UTS2B: variants seen among roughly 807,000 people sequenced by gnomAD.
UTS2B encodes urotensin-2B.
A neutral mutation model predicts 19.2 loss-of-function variants in UTS2B; 21 were observed. That is an observed-to-expected ratio of 1.09 (90% confidence interval 0.78 to 1.58). The LOEUF (loss-of-function observed/expected upper bound fraction) is 1.58, where lower values mean the gene tolerates loss of function less well. UTS2B is among the 40% of genes most tolerant of loss of function. UTS2B has a pLI of 0.00. For missense variants in UTS2B, 138 were observed against 130.3 expected (o/e 1.06, Z -0.29); for synonymous variants, 57 against 50.2 (o/e 1.14, Z -0.58).
chr3:191,275,701 CAA>C (rs113295650), intron 7 of UTS2B, among the ~76,000 whole-genome samples: 8 of 100,918 alleles, frequency 7.9e-5, no homozygotes, highest in Non-Finnish European at 1.6e-4. Flanking sequence ...AAACAAACAA[CAA>C]AAAAAAAACC....
chr3:191,276,526 T>G (rs1716240832), intron 7 of UTS2B, among the ~76,000 whole-genome samples: 1 of 152,190 alleles, frequency 6.6e-6, no homozygotes, highest in African/African-American at 2.4e-5. Flanking sequence ...CTAGAGAATT[T>G]GTTTGCCCCA....
rs193294196 is a variant in UTS2B, at chr3:191,269,201, T to G, written c.335-760A>C. Reference sequence around the variant, plus strand: ...CTTGGGAGAAGGGCCTTTGATTCATTGTTGATCAGTGGTATTTACAGTGAA... The same window carrying G: ...CTTGGGAGAAGGGCCTTTGATTCATGGTTGATCAGTGGTATTTACAGTGAA... On this transcript the variant is annotated intron_variant, in intron 8 of 8. Coordinates refer to ENST00000340524, the MANE Select transcript of UTS2B (RefSeq NM_198152.5). 3.3e-5 allele frequency among the ~76,000 whole-genome samples: 5 copies of G among 152,346 alleles called. No homozygotes were observed. The East Asian group carries it at 7.7e-4, about 24-fold the overall frequency.
At chr3:191,290,596 G>C (rs1464495338) in intron 4 of UTS2B, among the ~76,000 whole-genome samples, 1 of 152,172 alleles carries the variant, frequency 6.6e-6, no homozygotes, top group African/African-American at 2.4e-5. Flanking sequence ...CACAGAGATA[G>C]AAAATGATTG....
chr3:191,300,377 C>T (rs1716964452), intron 4 of UTS2B, among the ~76,000 whole-genome samples: 1 of 152,128 alleles, frequency 6.6e-6, no homozygotes, highest in Admixed American at 6.5e-5. Flanking sequence ...CCAATTTATC[C>T]CTTTTGGAAT....
At chr3:191,334,049 G>A (rs965362602), upstream of UTS2B, among the ~76,000 whole-genome samples, 2 of 152,030 alleles carry the variant, frequency 1.3e-5, no homozygotes, top group African/African-American at 4.8e-5. Context: ...ATTTTTACTT[G>A]AGTAATAATA....
At position 191,282,081 on chromosome 3, in the gene UTS2B, A is replaced by G; in HGVS notation, c.103+6T>C. 1 of 1,589,032 alleles carries G rather than the reference A, an allele frequency of 6.3e-7. No individual in the cohort carries two copies. Among genetic ancestry groups the G allele is most frequent in the Non-Finnish European group, 8.6e-7 (1 of 1,158,768 alleles). ...CCTGTAGGATTTTTAATTGATATGC[A>G]CGTACCTTGGGTAAGATATGGTCGT... On this transcript the variant is annotated splice_donor_region_variant and intron_variant, in intron 5 of 8. Transcript: ENST00000340524.
chr3:191,314,973 G>T (rs913223033), intron 3 of UTS2B, among the ~76,000 whole-genome samples: 3 of 151,420 alleles, frequency 2.0e-5, no homozygotes, highest in Non-Finnish European at 2.9e-5. Flanking sequence ...ACTAGTAAGT[G>T]TAAGTTAGTG....
At chr3:191,273,963 G>A (rs1006412141) in intron 8 of UTS2B, among the ~76,000 whole-genome samples, 1 of 152,170 alleles carries the variant, frequency 6.6e-6, no homozygotes, top group South Asian at 2.1e-4. Flanking sequence ...TTAGCCGGGA[G>A]TGATGGTGCA....
chr3:191,268,190 T>C lies in UTS2B; in HGVS notation c.*226A>G. ...GAAACCTCCCTGACTGCACGTCCAT[T>C]CATAGGCTCTCTACAGGGGGAAGCA... On this transcript the variant is annotated 3_prime_UTR_variant, in exon 9 of 9. Transcript: ENST00000340524. 3 of 362,016 alleles carry C rather than the reference T, an allele frequency of 8.3e-6. No homozygotes were observed. The highest frequency in any genetic ancestry group is 1.6e-5 in the Non-Finnish European group (3 of 192,086). The allele number at this position is 362,016 out of a possible 1,614,324, so 22.4% of individuals were successfully genotyped here. A position where few individuals can be genotyped will look rare whatever the true frequency, so the allele number is the denominator to read the frequency against.
At chr3:191,315,485 A>G (rs1717423512) in intron 3 of UTS2B, among the ~76,000 whole-genome samples, 1 of 152,210 alleles carries the variant, frequency 6.6e-6, no homozygotes, top group Non-Finnish European at 1.5e-5. Context: ...CTCCAGGTAG[A>G]TAGTGTCGGA....
intron 3 of UTS2B, among the ~76,000 whole-genome samples, chr3:191,312,844 A>G (rs1213832648): frequency 6.6e-6 from 1 of 152,210 alleles, no homozygotes; most frequent in African/African-American, 2.4e-5. Context: ...AAACCTACAA[A>G]GTGCTAACAC....
At chr3:191,321,984 G>A (rs992458183) in intron 2 of UTS2B, among the ~76,000 whole-genome samples, 8 of 152,042 alleles carry the variant, frequency 5.3e-5, no homozygotes, top group South Asian at 2.1e-4. Context: ...CTAAGATTGC[G>A]CCATTGCACT....
At chr3:191,321,247 A>G (rs779320595) in intron 2 of UTS2B, among the ~76,000 whole-genome samples, 6 of 152,212 alleles carry the variant, frequency 3.9e-5, no homozygotes, top group Non-Finnish European at 8.8e-5. Flanking sequence ...AGTGGCAGTC[A>G]GTTGCCTAGC....
chr3:191,339,060 T>C, the UTS2B span, among the ~76,000 whole-genome samples: 2 of 152,156 alleles, frequency 1.3e-5, no homozygotes, highest in African/African-American at 2.4e-5. Context: ...AAGTCAAACA[T>C]AGCATGTATT....
At chr3:191,299,714 A>T (rs940893903) in intron 4 of UTS2B, among the ~76,000 whole-genome samples, 2 of 152,234 alleles carry the variant, frequency 1.3e-5, no homozygotes, top group African/African-American at 4.8e-5. Context: ...GGCATTGCCT[A>T]ATGGAGCTGG....
intron 8 of UTS2B, 36 bp from the exon 9 acceptor site, chr3:191,268,477 G>A: frequency 6.8e-7 from 1 of 1,465,434 alleles, no homozygotes; most frequent in Non-Finnish European, 9.4e-7. Flanking sequence ...TTTATTAGAA[G>A]TATATTTGAT....
At chr3:191,272,913 C>A (rs1169160839) in intron 8 of UTS2B, among the ~76,000 whole-genome samples, 1 of 151,236 alleles carries the variant, frequency 6.6e-6, no homozygotes, top group Non-Finnish European at 1.5e-5. Flanking sequence ...GTCTGTAATC[C>A]CAGCACTTTG....
the UTS2B span, among the ~76,000 whole-genome samples, chr3:191,343,237 C>T: frequency 6.6e-6 from 1 of 152,156 alleles, no homozygotes; most frequent in East Asian, 1.9e-4. Context: ...GCTATTATTT[C>T]TCTCATATTA....
chr3:191,282,017 CA>C, intron 5 of UTS2B, 69 bp downstream of exon 5: 1 of 1,147,664 alleles, frequency 8.7e-7, no homozygotes, highest in Non-Finnish European at 1.3e-6. Context: ...GCAGAAAAAT[CA>C]AATTTGTTCA....
Sources: gnomAD v4.1 joint callset for allele counts (sites outside exome capture counted in the v4.1 genomes callset) on GRCh38, gnomAD v4.1.1 for gene constraint, MANE v1.5 for transcripts, NCBI Gene and HGNC (gene_info 2026-07-23, HGNC 2026-07-21) for gene names.